Variants in TLL1 observed in about 807,000 individuals in gnomAD.
The protein encoded by TLL1 is tolloid-like protein 1.
A neutral mutation model predicts 128.2 loss-of-function variants in TLL1; 49 were observed. The ratio of observed to expected loss-of-function variants is 0.38; its 90% CI spans 0.30 to 0.48. The LOEUF (loss-of-function observed/expected upper bound fraction) is 0.48. Among genes scored for constraint, TLL1 ranks in the 20% least tolerant of loss-of-function variants. The pLI is 0.96. For synonymous variants in TLL1, 454 were observed against 418.8 expected, an observed-to-expected ratio of 1.08 and a Z score of -1.03; for missense variants, 1,123 against 1,242.0, an observed-to-expected ratio of 0.90 and a Z score of 1.44.
chr4:165,954,362 C>A (rs1196968634), intron 1 of TLL1, among the ~76,000 whole-genome samples: 1 of 151,750 alleles, frequency 6.6e-6, no homozygotes, highest in African/African-American at 2.4e-5. Context: ...TTTTATGATT[C>A]CAGAAAATAT....
At chr4:166,031,119 T>C (rs1738746729) in intron 9 of TLL1, among the ~76,000 whole-genome samples, 1 of 152,078 alleles carries the variant, frequency 6.6e-6, no homozygotes, top group Admixed American at 6.6e-5. Context: ...CTGAAGGCAG[T>C]TTTCCCAAAT....
At chr4:166,048,770 G>A (rs1345901936) in intron 12 of TLL1, among the ~76,000 whole-genome samples, 3 of 152,124 alleles carry the variant, frequency 2.0e-5, no homozygotes, top group African/African-American at 7.2e-5. Flanking sequence ...AAATTACCAC[G>A]TACATTAGTT....
intron 16 of TLL1, 98 bp downstream of exon 16, chr4:166,065,961 C>T (rs1740552495): frequency 1.4e-6 from 1 of 707,004 alleles, no homozygotes; most frequent in Non-Finnish European, 1.9e-6. Context: ...TCTGTAAATG[C>T]AACTTGAAGA....
intron 1 of TLL1, among the ~76,000 whole-genome samples, chr4:165,882,850 T>G (rs1404518178): frequency 6.6e-6 from 1 of 151,704 alleles, no homozygotes; most frequent in East Asian, 2.0e-4. Flanking sequence ...ACTCCCAACC[T>G]CAGGTGATCT....
At chr4:165,905,128 C>A (rs1306614666) in intron 1 of TLL1, among the ~76,000 whole-genome samples, 1 of 152,166 alleles carries the variant, frequency 6.6e-6, no homozygotes, top group Admixed American at 6.5e-5. Context: ...TAAAGCAATA[C>A]AATTTTGGAA....
intron 18 of TLL1, among the ~76,000 whole-genome samples, chr4:166,081,579 A>G (rs961704869): frequency 6.6e-6 from 1 of 152,058 alleles, no homozygotes; most frequent in Non-Finnish European, 1.5e-5. Context: ...TCACCAACCC[A>G]TCACCAATTT....
intron 1 of TLL1, among the ~76,000 whole-genome samples, chr4:165,927,578 G>A (rs1391559921): frequency 6.6e-6 from 1 of 152,202 alleles, no homozygotes; most frequent in African/African-American, 2.4e-5. Flanking sequence ...TGCCATACAT[G>A]CTAATTGATT....
intron 8 of TLL1, among the ~76,000 whole-genome samples, chr4:166,020,854 T>G (rs1478956878): frequency 6.6e-6 from 1 of 152,238 alleles, no homozygotes; most frequent in Non-Finnish European, 1.5e-5. Flanking sequence ...GATTAGAATC[T>G]CTATTGTTAT....
chr4:166,083,938 A>G (rs1741393260), intron 18 of TLL1, among the ~76,000 whole-genome samples: 1 of 152,112 alleles, frequency 6.6e-6, no homozygotes, highest in South Asian at 2.1e-4. Context: ...GAGTAATTCT[A>G]TTTTTAACTT....
intron 9 of TLL1, among the ~76,000 whole-genome samples, chr4:166,033,781 A>T (rs1015899844): frequency 1.3e-4 from 20 of 152,172 alleles, no homozygotes; most frequent in Non-Finnish European, 5.9e-5. Flanking sequence ...CATGCTGGCA[A>T]CAATCCAAAA....
intron 1 of TLL1, among the ~76,000 whole-genome samples, chr4:165,975,157 T>A (rs1175284474): frequency 6.6e-6 from 1 of 152,158 alleles, no homozygotes; most frequent in Non-Finnish European, 1.5e-5. Context: ...GGTTTGGCGA[T>A]GGATGAGGCA....
At chr4:165,963,054 C>CAAAA (rs869191830) in intron 1 of TLL1, among the ~76,000 whole-genome samples, 213 of 18,332 alleles carry the variant, frequency 0.012, 29 homozygotes, top group African/African-American at 0.029. Flanking sequence ...GGCTCTGTCT[C>CAAAA]AAAAAAAAAA....
chr4:166,091,203 G>A lies in TLL1; in HGVS notation c.2518G>A (p.Glu840Lys), dbSNP rs1202286528. The stretch of plus-strand genomic sequence containing the variant: ...CTTAGAAGTATTTGATGGAGAAACA[G>A]AAAAGTCACCGATTCTTGGACGACT... ...DHLEVFDGET[E>K]KSPILGRLCG... The change falls in exon 19 of 21, where the codon GAA (glutamate) becomes AAA (lysine). Residue 840 changes from glutamate to lysine, a missense_variant. By Grantham distance (56) the Glu-to-Lys change is moderately conservative. This residue lies in a region of TLL1 where 634 missense variants were observed against 672.4 expected (regional missense o/e 0.94). Coordinates refer to ENST00000061240, the MANE Select transcript of TLL1 (RefSeq NM_012464.5). The A allele has an allele frequency of 1.2e-6, 2 of 1,613,266 alleles. No homozygotes were observed. The highest frequency in any genetic ancestry group is 2.2e-5 in the South Asian group (2 of 91,062).
At chr4:165,951,283 C>T (rs757790796) in intron 1 of TLL1, among the ~76,000 whole-genome samples, 1 of 151,930 alleles carries the variant, frequency 6.6e-6, no homozygotes, top group African/African-American at 2.4e-5. Context: ...ATGTCAGATG[C>T]AGGAGGGTTG....
rs578051666 is a variant in TLL1, at chr4:166,082,541, A to C, written c.2442+4511A>C. On this transcript the variant is annotated intron_variant, in intron 18 of 20. Transcript: ENST00000061240. ...TTAGTGAACAATACTTTATAATAAC[A>C]GTTCAAACCATTCAATCATCTACTC... 9.7e-4 allele frequency among the ~76,000 whole-genome samples: 148 copies of C among 152,322 alleles called. 1 individual carries two copies. Among genetic ancestry groups the C allele is most frequent in the African/African-American group, 3.4e-3 (141 of 41,588 alleles).
intron 1 of TLL1, among the ~76,000 whole-genome samples, chr4:165,917,999 T>C (rs1254896585): frequency 2.0e-5 from 3 of 152,182 alleles, no homozygotes; most frequent in African/African-American, 7.2e-5. Context: ...AATATTGGTG[T>C]TATTTGAAGA....
intron 1 of TLL1, among the ~76,000 whole-genome samples, chr4:165,890,251 G>C (rs1731338459): frequency 6.6e-6 from 1 of 152,036 alleles, no homozygotes; most frequent in Non-Finnish European, 1.5e-5. Flanking sequence ...ATGAGATTTG[G>C]GTGTGGACAC....
chr4:165,908,952 T>C (rs1202429683), intron 1 of TLL1, among the ~76,000 whole-genome samples: 1 of 152,158 alleles, frequency 6.6e-6, no homozygotes, highest in East Asian at 1.9e-4. Context: ...ATCCCAGCAC[T>C]TTAGGAGGCC....
At chr4:165,979,986 G>C (rs930012428) in intron 1 of TLL1, among the ~76,000 whole-genome samples, 1 of 152,046 alleles carries the variant, frequency 6.6e-6, no homozygotes, top group African/African-American at 2.4e-5. Context: ...GAAAGGTTTT[G>C]GTTAGATGTG....
Sources: allele counts gnomAD v4.1 joint callset (sites outside exome capture counted in the v4.1 genomes callset), GRCh38; gene constraint gnomAD v4.1.1; regional missense constraint gnomAD v4.1.1; transcripts MANE v1.5; gene names NCBI Gene and HGNC (gene_info 2026-07-23, HGNC 2026-07-21).